SLIT1: variants seen among roughly 807,000 people sequenced by gnomAD.
SLIT1 encodes slit homolog 1 protein.
SLIT1 carries 66 observed loss-of-function variants against 186.1 expected under a neutral mutation model. That is an observed-to-expected ratio of 0.35 (90% confidence interval 0.29 to 0.44). The LOEUF is 0.44. Among genes scored for constraint, SLIT1 ranks in the 20% least tolerant of loss-of-function variants. The pLI is 1.00. For synonymous variants in SLIT1, 761 were observed against 833.8 expected (o/e 0.91, Z 1.50); for missense variants, 1,638 against 2,037.4 (o/e 0.80, Z 3.77).
intron 4 of SLIT1, among the ~76,000 whole-genome samples, chr10:97,083,627 T>G (rs1257948222): frequency 6.6e-6 from 1 of 152,206 alleles, no homozygotes; most frequent in Non-Finnish European, 1.5e-5. Flanking sequence ...ACGGTTCACA[T>G]GTTTTCCCTG....
At chr10:97,081,796 A>G (rs1261720332) in intron 4 of SLIT1, among the ~76,000 whole-genome samples, 5 of 152,220 alleles carry the variant, frequency 3.3e-5, no homozygotes, top group African/African-American at 1.2e-4. Flanking sequence ...AGGAGCTACG[A>G]GGAACCACAA....
intron 4 of SLIT1, among the ~76,000 whole-genome samples, chr10:97,099,572 T>C (rs1204531512): frequency 6.6e-6 from 1 of 152,200 alleles, no homozygotes; most frequent in Non-Finnish European, 1.5e-5. Flanking sequence ...TGTCCATCTC[T>C]GCCTGTGGCC....
At chr10:97,131,970 C>G (rs764211785) in intron 4 of SLIT1, among the ~76,000 whole-genome samples, 2 of 152,232 alleles carry the variant, frequency 1.3e-5, no homozygotes, top group African/African-American at 4.8e-5. Context: ...AAGTCCACTC[C>G]TTTAACAGCT....
intron 4 of SLIT1, 76 bp downstream of exon 4, chr10:97,157,742 G>T: frequency 3.5e-6 from 4 of 1,145,052 alleles, no homozygotes; most frequent in South Asian, 1.2e-5. Flanking sequence ...AGGCCCCACT[G>T]ACCAAACACT....
intron 4 of SLIT1, among the ~76,000 whole-genome samples, chr10:97,112,511 G>C (rs955933804): frequency 6.6e-6 from 1 of 152,112 alleles, no homozygotes; most frequent in Non-Finnish European, 1.5e-5. Context: ...TCATGGGCAG[G>C]ACCTGTGCTG....
chr10:97,054,647 C>T (rs935672466), intron 13 of SLIT1, among the ~76,000 whole-genome samples: 1 of 152,208 alleles, frequency 6.6e-6, no homozygotes, highest in Non-Finnish European at 1.5e-5. Context: ...TCAATCAAAA[C>T]TGAACCTGAC....
chr10:97,123,190 T>C (rs1184421345), intron 4 of SLIT1, among the ~76,000 whole-genome samples: 1 of 152,320 alleles, frequency 6.6e-6, no homozygotes, highest in Non-Finnish European at 1.5e-5. Flanking sequence ...AAAGACGTGA[T>C]CTTCTGAAGT....
chr10:97,065,211 G>A (rs1405569687), intron 5 of SLIT1, among the ~76,000 whole-genome samples: 1 of 151,942 alleles, frequency 6.6e-6, no homozygotes, highest in East Asian at 1.9e-4. Flanking sequence ...CTGGAAAATG[G>A]GAGAGTCACA....
At chr10:97,088,530 G>A (rs1483590435) in intron 4 of SLIT1, among the ~76,000 whole-genome samples, 1 of 152,230 alleles carries the variant, frequency 6.6e-6, no homozygotes, top group African/African-American at 2.4e-5. Context: ...TTTGGGCAGA[G>A]AGGGCTTTGC....
chr10:97,060,726 C>A lies in SLIT1; in HGVS notation c.855G>T (p.Met285Ile). Residue 285 changes from methionine to isoleucine, a missense_variant, in exon 9 of 37, where the codon ATG becomes ATT. Transcript: ENST00000266058. ...CTLSSGSCPA[M>I]CTCSNGIVDC... The stretch of plus-strand genomic sequence containing the variant: ...CCACGATGCCATTGCTGCAGGTGCA[C>A]ATGGCCGGGCAGGAGCCGGAGGACA... 1 of 1,613,720 alleles carries A rather than the reference C, an allele frequency of 6.2e-7. No individual in the cohort carries two copies. Among genetic ancestry groups the A allele is most frequent in the Non-Finnish European group, 8.5e-7 (1 of 1,179,978 alleles).
intron 13 of SLIT1, among the ~76,000 whole-genome samples, chr10:97,055,371 G>GT (rs990448277): frequency 5.7e-4 from 86 of 151,210 alleles, no homozygotes; most frequent in Non-Finnish European, 8.4e-4. Flanking sequence ...ATAGCACTCT[G>GT]TTTTTTTTTG....
Position 97,047,847 on chromosome 10 carries a change from G to A in SLIT1, c.1490-13C>T. 9 of 1,613,700 alleles carry A rather than the reference G, an allele frequency of 5.6e-6. No individual in the cohort carries two copies. Among genetic ancestry groups the A allele is most frequent in the Non-Finnish European group, 7.6e-6 (9 of 1,179,658 alleles). ...TAATCCTCCGTGCCTGCCATGAGAG[G>A]GTGGGGGCAGAGGCTGAGGAGCCCG... On this transcript the variant is annotated splice_polypyrimidine_tract_variant and intron_variant, in intron 15 of 36. Coordinates refer to ENST00000266058, the MANE Select transcript of SLIT1 (RefSeq NM_003061.3).
At chr10:97,003,129 A>C in intron 34 of SLIT1, 137 bp from the exon 35 acceptor site, 2 of 816,958 alleles carry the variant, frequency 2.4e-6, no homozygotes, top group Non-Finnish European at 3.8e-6. Flanking sequence ...ACCCTGATCC[A>C]AGGTCCTTTG....
intron 11 of SLIT1, chr10:97,058,207 C>G (rs1848859269): frequency 6.3e-6 from 4 of 635,824 alleles, no homozygotes; most frequent in Non-Finnish European, 1.2e-5. Context: ...AAACACCCCT[C>G]AAGCTGCTGG....
chr10:97,056,481 G>A lies in SLIT1; in HGVS notation c.1158-17C>T, dbSNP rs777119781. On this transcript the variant is annotated splice_polypyrimidine_tract_variant and intron_variant, in intron 12 of 36. Coordinates refer to ENST00000266058, the MANE Select transcript of SLIT1 (RefSeq NM_003061.3). Reference sequence around the variant, plus strand: ...TTCAGGAGCCTGTGGGCAGAGCCAGGACCAAGTGGTGAGGAGAGAGGCTCG... The same window carrying A: ...TTCAGGAGCCTGTGGGCAGAGCCAGAACCAAGTGGTGAGGAGAGAGGCTCG... 6.8e-6 allele frequency: 11 copies of A among 1,613,720 alleles called. No homozygotes were observed. The highest frequency in any genetic ancestry group is 8.5e-7 in the Non-Finnish European group (1 of 1,179,818).
rs1023097659 is a variant in SLIT1 at position 97,185,727 on chromosome 10, T to A, written c.-53A>T. On this transcript the variant is annotated 5_prime_UTR_variant, in exon 1 of 37. It removes an upstream start codon present in the reference 5' UTR. Transcript: ENST00000266058. ...GCCAGACGGCAGCAGCCGCTGACCA[T>A]CCCCGTCCGGGGCCGCCTCCAGGTG... is the stretch of plus-strand genomic sequence containing the variant. 4.3e-6 allele frequency: 6 copies of A among 1,399,574 alleles called. No individual in the cohort carries two copies. The highest frequency in any genetic ancestry group is 5.7e-5 in the East Asian group (2 of 35,120). 86.7% of individuals were successfully genotyped at this position (1,399,574 alleles called of 1,614,324 possible).
intron 4 of SLIT1, among the ~76,000 whole-genome samples, chr10:97,112,781 G>A (rs1423510121): frequency 1.3e-5 from 2 of 151,956 alleles, no homozygotes; most frequent in East Asian, 3.9e-4. Context: ...TTCAACCTCT[G>A]CCCCTTGGCT....
At position 97,001,091 on chromosome 10, in the gene SLIT1, C is replaced by A; in HGVS notation, c.*21G>T. 1.9e-6 allele frequency: 3 copies of A among 1,603,300 alleles called. No individual in the cohort carries two copies. The highest frequency in any genetic ancestry group is 2.6e-6 in the Non-Finnish European group (3 of 1,172,462). ...GGCTGGGGCCCCTTGCCCGCCCTCA[C>A]CGGCCTGTCCACGCCCAGCGCTATG... On this transcript the variant is annotated 3_prime_UTR_variant, in exon 37 of 37. Coordinates refer to ENST00000266058, the MANE Select transcript of SLIT1 (RefSeq NM_003061.3).
chr10:97,143,900 AAGATT>A (rs1379209916), intron 4 of SLIT1, among the ~76,000 whole-genome samples: 1 of 152,188 alleles, frequency 6.6e-6, no homozygotes, highest in Non-Finnish European at 1.5e-5. Flanking sequence ...TGTTAAAGTT[AAGATT>A]AGATTAAACA....
Sources: gnomAD v4.1 joint callset for allele counts (sites outside exome capture counted in the v4.1 genomes callset) on GRCh38, gnomAD v4.1.1 for gene constraint, MANE v1.5 for transcripts, NCBI Gene and HGNC (gene_info 2026-07-23, HGNC 2026-07-21) for gene names.